FOXP1: variants seen among roughly 807,000 people sequenced by gnomAD.
FOXP1 encodes forkhead box P1.
In FOXP1, 15 loss-of-function variants were observed where a neutral mutation model predicts 98.2. That is an observed-to-expected ratio of 0.15 (90% CI 0.10 to 0.24). FOXP1 has a LOEUF of 0.24. Ranked by LOEUF, FOXP1 falls within the 10% of genes least tolerant of loss-of-function variation. The pLI, the probability that FOXP1 is intolerant of heterozygous loss-of-function variation, is 1.00. For missense variants in FOXP1, 633 were observed against 848.5 expected (o/e 0.75, Z 3.15); for synonymous variants, 371 against 314.5 (o/e 1.18, Z -1.90).
chr3:71,246,881 G>C (rs1269705669), intron 5 of FOXP1, among the ~76,000 whole-genome samples: 1 of 151,998 alleles, frequency 6.6e-6, no homozygotes, highest in Non-Finnish European at 1.5e-5. Flanking sequence ...TTATGTATAC[G>C]CTCAAATAAA....
intron 9 of FOXP1, among the ~76,000 whole-genome samples, chr3:71,051,700 A>T (rs1419464898): frequency 1.3e-5 from 2 of 152,224 alleles, no homozygotes; most frequent in Admixed American, 1.3e-4. Flanking sequence ...GTTAAATTGG[A>T]TAACTCTGGA....
chr3:71,125,734 T>A (rs927676486), intron 6 of FOXP1, among the ~76,000 whole-genome samples: 4 of 152,162 alleles, frequency 2.6e-5, no homozygotes, highest in African/African-American at 9.7e-5. Context: ...TCTGGGAATA[T>A]GGGGGAATTA....
At chr3:71,328,844 G>A (rs2076085768) in intron 4 of FOXP1, among the ~76,000 whole-genome samples, 1 of 151,946 alleles carries the variant, frequency 6.6e-6, no homozygotes, top group Non-Finnish European at 1.5e-5. Context: ...GGTGGTGCAT[G>A]CCTGTAATCC....
At position 71,381,403 on chromosome 3, in the gene FOXP1, G is replaced by A. The variant is rs150329428; in HGVS notation, c.-167-22159C>T. ...TCCGCCCTCCTCGGCCTCCCAAAGT[G>A]CTAGGATTACAGGCGTGAGCCACTG... On this transcript the variant is annotated intron_variant, in intron 3 of 20. Coordinates refer to ENST00000649528, the MANE Select transcript of FOXP1 (RefSeq NM_001349338.3). Among the ~76,000 whole-genome samples, 388 of 144,946 alleles carry A rather than the reference G, an allele frequency of 2.7e-3. 3 individuals carry two copies. The highest frequency in any genetic ancestry group is 4.4e-3 in the Admixed American group (63 of 14,338).
At chr3:71,211,804 A>C (rs2064490275) in intron 5 of FOXP1, among the ~76,000 whole-genome samples, 1 of 152,128 alleles carries the variant, frequency 6.6e-6, no homozygotes, top group African/African-American at 2.4e-5. Flanking sequence ...AGCCCCATGC[A>C]TTCACTTTTA....
chr3:71,542,435 C>T (rs961496987), intron 2 of FOXP1, among the ~76,000 whole-genome samples: 1 of 152,204 alleles, frequency 6.6e-6, no homozygotes, highest in East Asian at 1.9e-4. Context: ...ATCGAAATCT[C>T]GTTTTTATAG....
At chr3:71,137,806 T>TC (rs2059896677) in intron 6 of FOXP1, among the ~76,000 whole-genome samples, 11 of 151,448 alleles carry the variant, frequency 7.3e-5, no homozygotes, top group Non-Finnish European at 1.2e-4. Flanking sequence ...TTATTTTTTT[T>TC]TTTTGGTGCA....
chr3:71,488,667 G>A (rs1056230309), intron 3 of FOXP1, among the ~76,000 whole-genome samples: 7 of 152,220 alleles, frequency 4.6e-5, no homozygotes, highest in African/African-American at 1.7e-4. Context: ...AGGAACTGGA[G>A]AGAAAGGCAA....
intron 2 of FOXP1, among the ~76,000 whole-genome samples, chr3:71,538,045 A>G (rs2044450582): frequency 6.6e-6 from 1 of 152,242 alleles, no homozygotes; most frequent in Admixed American, 6.5e-5. Context: ...GCAAAGCCTA[A>G]TGGATTTACT....
At position 71,232,024 on chromosome 3, in the gene FOXP1, G is replaced by A. The variant is rs369702069; in HGVS notation, c.-11-33632C>T. 6.6e-4 allele frequency among the ~76,000 whole-genome samples: 101 copies of A among 152,290 alleles called. 1 individual carries two copies. The South Asian group carries it at 0.019, about 28-fold the overall frequency. ...CTGGTACTTGGCCTATTTCAGCATC[G>A]TCACCTGAAAGGGATTTCTGGGGGT... On this transcript the variant is annotated intron_variant, in intron 5 of 20. Transcript: ENST00000649528.
chr3:71,495,766 T>A (rs1004087344), intron 2 of FOXP1, among the ~76,000 whole-genome samples: 8 of 152,212 alleles, frequency 5.3e-5, no homozygotes, highest in Admixed American at 1.3e-4. Flanking sequence ...TACCCTAATA[T>A]AAAAGTCCTG....
At chr3:70,967,687 GTTT>G (rs67711426) in intron 19 of FOXP1, among the ~76,000 whole-genome samples, 2 of 61,346 alleles carry the variant, frequency 3.3e-5, no homozygotes, top group African/African-American at 1.1e-4. Context: ...ACTATTATTT[GTTT>G]TTTTTTTTTG....
chr3:71,514,667 T>C (rs969368161), intron 2 of FOXP1, among the ~76,000 whole-genome samples: 2 of 152,230 alleles, frequency 1.3e-5, no homozygotes, highest in African/African-American at 4.8e-5. Context: ...CTTCACCTCC[T>C]TTTTTCTCCT....
intron 2 of FOXP1, among the ~76,000 whole-genome samples, chr3:71,535,717 C>CT (rs1314392835): frequency 2.0e-5 from 3 of 152,058 alleles, no homozygotes; most frequent in Non-Finnish European, 2.9e-5. Context: ...GAGGGAGACT[C>CT]TGTCTCAAAA....
intron 6 of FOXP1, among the ~76,000 whole-genome samples, chr3:71,116,600 G>A (rs534050689): frequency 6.6e-6 from 1 of 152,214 alleles, no homozygotes; most frequent in Non-Finnish European, 1.5e-5. Flanking sequence ...TGTTAACAGA[G>A]TAGGAACAAA....
At chr3:71,454,978 C>G (rs565798755) in intron 3 of FOXP1, among the ~76,000 whole-genome samples, 25 of 151,986 alleles carry the variant, frequency 1.6e-4, no homozygotes, top group Non-Finnish European at 1.8e-4. Flanking sequence ...TTAAACTGAT[C>G]GACATTTGGT....
chr3:71,069,346 C>T (rs2052939881), intron 7 of FOXP1, among the ~76,000 whole-genome samples: 1 of 152,182 alleles, frequency 6.6e-6, no homozygotes, highest in Non-Finnish European at 1.5e-5. Context: ...AAATCCCTTA[C>T]TCTAAAAGCA....
chr3:71,268,170 A>T (rs1164809523), intron 5 of FOXP1, among the ~76,000 whole-genome samples: 1 of 141,458 alleles, frequency 7.1e-6, no homozygotes, highest in Non-Finnish European at 1.5e-5. Flanking sequence ...GGCTCACTGC[A>T]AACTCCGCCT....
At chr3:71,013,633 G>T (rs1306190099) in intron 12 of FOXP1, among the ~76,000 whole-genome samples, 2 of 152,088 alleles carry the variant, frequency 1.3e-5, no homozygotes, top group Non-Finnish European at 2.9e-5. Context: ...TTTCTTCACA[G>T]AATTGGAAAG....
Sources: gnomAD v4.1 joint callset for allele counts (sites outside exome capture counted in the v4.1 genomes callset) on GRCh38, gnomAD v4.1.1 for gene constraint, MANE v1.5 for transcripts, NCBI Gene and HGNC (gene_info 2026-07-23, HGNC 2026-07-21) for gene names.